DUSP15: variants seen among roughly 807,000 people sequenced by gnomAD.
DUSP15 encodes dual specificity phosphatase 15.
DUSP15 carries 23 observed loss-of-function variants against 26.3 expected under a neutral mutation model. The observed-to-expected ratio is 0.87, with a 90% CI of 0.63 to 1.24. DUSP15 has a LOEUF of 1.24. Ranked by LOEUF, DUSP15 falls within the 50% of genes most tolerant of loss-of-function variation. The pLI, the probability that DUSP15 is intolerant of heterozygous loss-of-function variation, is 0.00. For missense variants in DUSP15, 364 were observed against 320.6 expected (o/e 1.14, Z -1.03); for synonymous variants, 143 against 135.5 (o/e 1.06, Z -0.39).
At chr20:31,860,637 C>A (rs964072026), downstream of DUSP15, among the ~76,000 whole-genome samples, 12 of 152,228 alleles carry the variant, frequency 7.9e-5, no homozygotes, top group Admixed American at 7.9e-4. Flanking sequence ...TCTCTCTGAG[C>A]CTCTGTTTCC....
intron 2 of DUSP15, 71 bp downstream of exon 2, chr20:31,869,493 G>A: frequency 1.3e-6 from 2 of 1,566,526 alleles, no homozygotes; most frequent in Non-Finnish European, 1.7e-6. Flanking sequence ...ATGGGCCAGG[G>A]CATGAATGGT....
Position 31,861,147 on chromosome 20 carries a change from C to A in DUSP15, c.*256G>T. The A allele has an allele frequency of 7.6e-7, 1 of 1,317,978 alleles. No homozygotes were observed. The highest frequency in any genetic ancestry group is 9.6e-7 in the Non-Finnish European group (1 of 1,039,212). 81.6% of individuals were successfully genotyped at this position (1,317,978 alleles called of 1,614,324 possible). A position where few individuals can be genotyped will look rare whatever the true frequency, so the allele number is the denominator to read the frequency against. On this transcript the variant is annotated 3_prime_UTR_variant, in exon 7 of 7. Transcript: ENST00000339738. ...ACTCTCCCTCCCTCCCCTCCCGCCG[C>A]CTTTAAGGGTGGGCCCCCTCCCCCA... is the stretch of plus-strand genomic sequence containing the variant.
intron 7 of DUSP15, chr20:31,849,922 T>A: frequency 7.0e-7 from 1 of 1,427,656 alleles, no homozygotes; most frequent in Non-Finnish European, 9.1e-7. Context: ...CGGCGCTAGC[T>A]CCCCTCGCCT....
rs1382782250 is a variant in DUSP15, at chr20:31,869,570, A to T, written c.49T>A (p.Phe17Ile). The change falls in exon 2 of 7, where the codon TTC becomes ATC. Residue 17 changes from phenylalanine to isoleucine, a missense_variant. Phe to Ile is a conservative substitution (Grantham distance 21, BLOSUM62 0). Coordinates refer to ENST00000339738, the MANE Select transcript of DUSP15 (RefSeq NM_080611.5). ...CAGAGTGGGCAGTGCTCACCAATGAAGTTTCCGAGGTAGAGTCCAGGAAGT... is the reference window on the plus strand; with the variant it reads ...CAGAGTGGGCAGTGCTCACCAATGATGTTTCCGAGGTAGAGTCCAGGAAGT... ...KVLPGLYLGNFIDAKDLDQLG... is the reference protein window; with the variant it reads ...KVLPGLYLGNIIDAKDLDQLG... The T allele has an allele frequency of 6.2e-7, 1 of 1,613,246 alleles. No individual in the cohort carries two copies. The highest frequency in any genetic ancestry group is 8.5e-7 in the Non-Finnish European group (1 of 1,179,692).
At chr20:31,855,100 A>T (rs1321716480) in intron 6 of DUSP15, among the ~76,000 whole-genome samples, 1 of 152,190 alleles carries the variant, frequency 6.6e-6, no homozygotes, top group Admixed American at 6.5e-5. Context: ...ACTAGACCAC[A>T]CTTCAGCTTT....
chr20:31,865,592 T>C (rs769316947), intron 3 of DUSP15, among the ~76,000 whole-genome samples: 1 of 152,172 alleles, frequency 6.6e-6, no homozygotes, highest in African/African-American at 2.4e-5. Flanking sequence ...CTCGAGAAAC[T>C]GTCTTAACAT....
intron 6 of DUSP15, among the ~76,000 whole-genome samples, chr20:31,854,858 G>C (rs1219153815): frequency 2.0e-5 from 3 of 152,128 alleles, no homozygotes; most frequent in African/African-American, 7.2e-5. Context: ...TTGCTCCTAG[G>C]GGAAATACAG....
At chr20:31,863,093 G>A (rs953660836) in intron 5 of DUSP15, among the ~76,000 whole-genome samples, 2 of 151,738 alleles carry the variant, frequency 1.3e-5, no homozygotes, top group African/African-American at 4.8e-5. Flanking sequence ...GGGGACAGAC[G>A]TTGATCAGAT....
chr20:31,860,015 C>T (rs1238970408), downstream of DUSP15, among the ~76,000 whole-genome samples: 1 of 152,238 alleles, frequency 6.6e-6, no homozygotes, highest in Non-Finnish European at 1.5e-5. Context: ...GCCTGGAATG[C>T]TTCCCCCAGA....
At chr20:31,851,936 C>A (rs2062476600) in intron 6 of DUSP15, among the ~76,000 whole-genome samples, 1 of 152,154 alleles carries the variant, frequency 6.6e-6, no homozygotes, top group Non-Finnish European at 1.5e-5. Flanking sequence ...CAGATGAGTA[C>A]CCCAGCTCAT....
At position 31,870,110 on chromosome 20, in the gene DUSP15, A is replaced by G; in HGVS notation, c.21+207T>C. On this transcript the variant is annotated intron_variant, in intron 1 of 6. Transcript: ENST00000339738. The surrounding 1 kb of genome is among the most constrained non-coding windows in gnomAD (Gnocchi z 6.6). ...GCGAGAGACACACAGAGTCACGGAGAGAGGGCGGACACAGCGGGGACAGAG... is the reference window on the plus strand; with the variant it reads ...GCGAGAGACACACAGAGTCACGGAGGGAGGGCGGACACAGCGGGGACAGAG... 1 of 1,244,960 alleles carries G rather than the reference A, an allele frequency of 8.0e-7. No individual in the cohort carries two copies. The highest frequency in any genetic ancestry group is 1.0e-6 in the Non-Finnish European group (1 of 994,434). The allele number at this position is 1,244,960 out of a possible 1,614,324, so 77.1% of individuals were successfully genotyped here.
At chr20:31,865,040 C>T (rs751151142) in intron 3 of DUSP15, 38 bp from the exon 4 acceptor site, 12 of 1,612,150 alleles carry the variant, frequency 7.4e-6, no homozygotes, top group Non-Finnish European at 1.0e-5. Context: ...GGGACCTTGC[C>T]TGCAACCCTC....
downstream of DUSP15, among the ~76,000 whole-genome samples, chr20:31,859,212 G>A (rs114162039): frequency 7.4e-3 from 1,116 of 151,468 alleles, 14 homozygotes; most frequent in African/African-American, 0.026. Context: ...ACTGCCTGCC[G>A]ACAGCTACAC....
chr20:31,870,484 C>T lies in DUSP15; in HGVS notation c.-147G>A. 7.3e-7 allele frequency: 1 copy of T among 1,373,390 alleles called. No individual in the cohort carries two copies. Among genetic ancestry groups the T allele is most frequent in the Non-Finnish European group, 9.4e-7 (1 of 1,067,746 alleles). 85.1% of individuals were successfully genotyped at this position (1,373,390 alleles called of 1,614,324 possible). A position where few individuals can be genotyped will look rare whatever the true frequency, so the allele number is the denominator to read the frequency against. On this transcript the variant is annotated 5_prime_UTR_variant, in exon 1 of 7. Coordinates refer to ENST00000339738, the MANE Select transcript of DUSP15 (RefSeq NM_080611.5). The surrounding 1 kb of genome is among the most constrained non-coding windows in gnomAD (Gnocchi z 6.6). Reference sequence around the variant, plus strand: ...GTCCGCGGCCCTGCCCAGCCCTGCCCAGCCACCGCCACCGCCCGCCGACCC... The same window carrying T: ...GTCCGCGGCCCTGCCCAGCCCTGCCTAGCCACCGCCACCGCCCGCCGACCC...
chr20:31,849,871 C>A, exon 8 of DUSP15: 1 of 1,498,686 alleles, frequency 6.7e-7, no homozygotes. Context: ...GTGCAGCCAG[C>A]AGGCTGTGGG....
chr20:31,870,516 C>T lies in DUSP15; in HGVS notation c.-179G>A. ...CGCCACCGCCCGCCGACCCCCGGCC[C>T]GGGAGGGAAATGGTGGTGGAGCCGC... On this transcript the variant is annotated 5_prime_UTR_variant, in exon 1 of 7. Coordinates refer to ENST00000339738, the MANE Select transcript of DUSP15 (RefSeq NM_080611.5). The surrounding 1 kb of genome is among the most constrained non-coding windows in gnomAD (Gnocchi z 6.6). 7.0e-7 allele frequency: 1 copy of T among 1,426,402 alleles called. No homozygotes were observed. Among genetic ancestry groups the T allele is most frequent in the Non-Finnish European group, 9.1e-7 (1 of 1,093,086 alleles). The allele number at this position is 1,426,402 out of a possible 1,614,324, so 88.4% of individuals were successfully genotyped here.
intron 6 of DUSP15, among the ~76,000 whole-genome samples, chr20:31,853,752 C>CA (rs1242451811): frequency 3.3e-5 from 5 of 151,782 alleles, no homozygotes; most frequent in African/African-American, 1.2e-4. Context: ...CGCACCCCAC[C>CA]ATGTCTGGCT....
At chr20:31,856,845 G>A (rs962304808), downstream of DUSP15, among the ~76,000 whole-genome samples, 1 of 152,052 alleles carries the variant, frequency 6.6e-6, no homozygotes, top group Non-Finnish European at 1.5e-5. Context: ...CAGTAGAGGA[G>A]GGGACAGGAT....
At chr20:31,861,906 C>T (rs2062668500) in intron 6 of DUSP15, among the ~76,000 whole-genome samples, 1 of 152,120 alleles carries the variant, frequency 6.6e-6, no homozygotes, top group Non-Finnish European at 1.5e-5. Flanking sequence ...CCCCTCTTCC[C>T]CCTTTGACAC....
Sources: gnomAD v4.1 joint callset for allele counts (sites outside exome capture counted in the v4.1 genomes callset) on GRCh38, gnomAD v4.1.1 for gene constraint, Gnocchi (gnomAD v3.1) non-coding constraint, MANE v1.5 for transcripts, NCBI Gene and HGNC (gene_info 2026-07-23, HGNC 2026-07-21) for gene names.